Variants in ERBIN observed in about 807,000 individuals in gnomAD.
The protein encoded by ERBIN is densin-180-like protein.
A neutral mutation model predicts 158.4 loss-of-function variants in ERBIN; 60 were observed. The ratio of observed to expected loss-of-function variants is 0.38; its 90% confidence interval spans 0.31 to 0.47. The LOEUF (loss-of-function observed/expected upper bound fraction) is 0.47. ERBIN is among the 20% of genes least tolerant of loss of function. The probability of loss-of-function intolerance (pLI) is 0.99; values close to 1 mark genes in which losing one functional copy is unlikely to be tolerated. For synonymous variants in ERBIN, 594 were observed against 557.2 expected (o/e 1.07, Z -0.93); for missense variants, 1,610 against 1,648.0 (o/e 0.98, Z 0.40).
At chr5:66,073,203 G>T (rs1321122043) in intron 22 of ERBIN, among the ~76,000 whole-genome samples, 1 of 152,136 alleles carries the variant, frequency 6.6e-6, no homozygotes, top group African/African-American at 2.4e-5. Context: ...GAGTCTTAAG[G>T]TCAGTAGTAA....
intron 7 of ERBIN, among the ~76,000 whole-genome samples, chr5:66,018,475 A>ATAT (rs1177846607): frequency 8.8e-4 from 4 of 4,566 alleles, no homozygotes; most frequent in African/African-American, 1.4e-3. Flanking sequence ...AATATATATT[A>ATAT]TATATTATAT....
rs1183285579 is a variant in ERBIN, at chr5:66,006,243, C to T, written c.308-5806C>T. 3.9e-5 allele frequency among the ~76,000 whole-genome samples: 6 copies of T among 152,122 alleles called. No individual in the cohort carries two copies. In the East Asian group the frequency reaches 1.2e-3, roughly 29 times the overall value. ...GAGCCCTCAGAAATAATGCCACATA[C>T]CTACAACTATCTGATCTTTGACAAA... is the stretch of plus-strand genomic sequence containing the variant. On this transcript the variant is annotated intron_variant, in intron 4 of 25. Transcript: ENST00000284037.
chr5:65,949,373 T>A (rs1230014315), intron 1 of ERBIN, among the ~76,000 whole-genome samples: 1 of 152,134 alleles, frequency 6.6e-6, no homozygotes, highest in Non-Finnish European at 1.5e-5. Context: ...AATATTTAAT[T>A]TCGGGCAGGG....
intron 18 of ERBIN, among the ~76,000 whole-genome samples, chr5:66,047,794 G>T (rs991082334): frequency 6.6e-6 from 1 of 152,048 alleles, no homozygotes; most frequent in East Asian, 1.9e-4. Flanking sequence ...AATGTCACAG[G>T]CTGTGAAAAA....
At chr5:65,981,540 T>C (rs1750649037) in intron 1 of ERBIN, among the ~76,000 whole-genome samples, 1 of 152,148 alleles carries the variant, frequency 6.6e-6, no homozygotes, top group Non-Finnish European at 1.5e-5. Context: ...AATCCGCAGA[T>C]TACTGGTATA....
At chr5:65,933,936 C>T (rs1032857033) in intron 1 of ERBIN, among the ~76,000 whole-genome samples, 15 of 152,098 alleles carry the variant, frequency 9.9e-5, no homozygotes, top group Admixed American at 9.8e-4. Context: ...AGCTCTGTCG[C>T]CCAGGCTGGA....
At chr5:66,011,935 G>C (rs1041183786) in intron 4 of ERBIN, 114 bp from the exon 5 acceptor site, 1 of 569,510 alleles carries the variant, frequency 1.8e-6, no homozygotes, top group Non-Finnish European at 3.1e-6. Flanking sequence ...AGTTCATCTA[G>C]TTCCTTGTTA....
chr5:66,062,477 ATTG>A (rs1760511336), intron 21 of ERBIN, among the ~76,000 whole-genome samples: 2 of 151,886 alleles, frequency 1.3e-5, no homozygotes, highest in African/African-American at 4.8e-5. Flanking sequence ...CTTCTTTGCC[ATTG>A]GTTTGAACTT....
chr5:65,933,251 C>T (rs1439501432), intron 1 of ERBIN, among the ~76,000 whole-genome samples: 1 of 152,080 alleles, frequency 6.6e-6, no homozygotes, highest in African/African-American at 2.4e-5. Context: ...TCTTCAAATA[C>T]TAGATTTTCA....
At chr5:66,020,137 T>C (rs1755533463) in intron 7 of ERBIN, among the ~76,000 whole-genome samples, 1 of 152,064 alleles carries the variant, frequency 6.6e-6, no homozygotes, top group Non-Finnish European at 1.5e-5. Context: ...GAAAGCAGTT[T>C]TATAAAAATT....
intron 1 of ERBIN, among the ~76,000 whole-genome samples, chr5:65,957,946 G>A (rs1276211480): frequency 1.3e-5 from 2 of 151,298 alleles, no homozygotes; most frequent in Admixed American, 6.6e-5. Flanking sequence ...CAGATGGGGC[G>A]GCTGCTGGGC....
chr5:65,965,379 G>GT (rs1561304820), intron 1 of ERBIN, among the ~76,000 whole-genome samples: 10 of 103,668 alleles, frequency 9.6e-5, no homozygotes, highest in Admixed American at 3.6e-4. Flanking sequence ...TTTGTTTTTT[G>GT]TTGTTTTTTT....
intron 9 of ERBIN, among the ~76,000 whole-genome samples, chr5:66,024,003 A>G (rs1375642322): frequency 1.3e-5 from 2 of 152,000 alleles, no homozygotes; most frequent in Admixed American, 1.3e-4. Context: ...CAACTGACAA[A>G]TTGTTTACTC....
At chr5:65,940,338 C>T (rs1236663628) in intron 1 of ERBIN, among the ~76,000 whole-genome samples, 3 of 146,322 alleles carry the variant, frequency 2.1e-5, no homozygotes, top group East Asian at 4.1e-4. Context: ...AAGTGAGGAG[C>T]CCCTCCGCCC....
chr5:65,984,706 A>C (rs1561332177), intron 1 of ERBIN: 1 of 152,294 alleles, frequency 6.6e-6, no homozygotes, highest in Non-Finnish European at 1.5e-5. Flanking sequence ...CCATCTGCAC[A>C]GTGGGGAGCG....
chr5:66,070,710 C>T (rs185601390), intron 21 of ERBIN, among the ~76,000 whole-genome samples: 1 of 152,248 alleles, frequency 6.6e-6, no homozygotes, highest in African/African-American at 2.4e-5. Context: ...ATAAAGTATT[C>T]ATTGCATAAA....
intron 21 of ERBIN, among the ~76,000 whole-genome samples, chr5:66,062,626 T>C (rs1359281461): frequency 6.6e-6 from 1 of 152,112 alleles, no homozygotes; most frequent in Non-Finnish European, 1.5e-5. Context: ...TTCTGATTTG[T>C]AGTTTCTGGT....
In ERBIN at chr5:65,961,432, A is replaced by C. The variant is rs1165622810; in HGVS notation, c.-57-27203A>C. The C allele has an allele frequency of 2.6e-5, 4 of 152,208 alleles. No homozygotes were observed. The South Asian group carries it at 8.3e-4, about 32-fold the overall frequency. 9.4% of individuals were successfully genotyped at this position (152,208 alleles called of 1,614,324 possible). Reference sequence around the variant, plus strand: ...CTGCAGCAGTATTTTCCAAAATGAAAAATTCTCAATTCTGAAACACATCTA... The same window carrying C: ...CTGCAGCAGTATTTTCCAAAATGAACAATTCTCAATTCTGAAACACATCTA... On this transcript the variant is annotated intron_variant, in intron 1 of 25. Coordinates refer to ENST00000284037, the MANE Select transcript of ERBIN (RefSeq NM_001253697.2).
In ERBIN at chr5:66,046,540, T is replaced by C. The variant is rs760636334; in HGVS notation, c.1788+2T>C. The stretch of plus-strand genomic sequence containing the variant: ...GTTAACCATGATGATGTTTTTGAGG[T>C]ATGATTTTATGATTATTCTGGAGCA... On this transcript the variant is annotated splice_donor_variant, in intron 18 of 25. Transcript: ENST00000284037. LOFTEE classifies it high-confidence loss of function. The C allele has an allele frequency of 1.3e-6, 2 of 1,557,242 alleles. No homozygotes were observed. The highest frequency in any genetic ancestry group is 1.7e-6 in the Non-Finnish European group (2 of 1,151,630).
Sources: gnomAD v4.1 joint callset for allele counts (sites outside exome capture counted in the v4.1 genomes callset) on GRCh38, gnomAD v4.1.1 for gene constraint, MANE v1.5 for transcripts, NCBI Gene and HGNC (gene_info 2026-07-23, HGNC 2026-07-21) for gene names.